Variants in TRPM1 observed in about 807,000 individuals in gnomAD.
The protein encoded by TRPM1 is TRPM1-203 APA Isoform, Intron 10.
In TRPM1, 113 loss-of-function variants were observed where a neutral mutation model predicts 149.4. The ratio of observed to expected loss-of-function variants is 0.76; its 90% confidence interval spans 0.65 to 0.88. The LOEUF (loss-of-function observed/expected upper bound fraction) is 0.88. TRPM1 is among the 40% of genes least tolerant of loss of function. The probability of loss-of-function intolerance (pLI) is 0.00; values close to 1 mark genes in which losing one functional copy is unlikely to be tolerated. For missense variants in TRPM1, 1,976 were observed against 2,038.7 expected (o/e 0.97, Z 0.59); for synonymous variants, 741 against 759.5 (o/e 0.98, Z 0.40).
chr15:31,082,277 G>C (rs1163318503), intron 1 of TRPM1, among the ~76,000 whole-genome samples: 1 of 152,164 alleles, frequency 6.6e-6, no homozygotes, highest in East Asian at 1.9e-4. Flanking sequence ...GATGATAGGA[G>C]CACTGGCACT....
chr15:31,088,961 G>A (rs75721412), intron 1 of TRPM1, among the ~76,000 whole-genome samples: 1 of 152,180 alleles, frequency 6.6e-6, no homozygotes, highest in African/African-American at 2.4e-5. Context: ...GTGAGGCAGT[G>A]GGGCTCCCAG....
At chr15:31,087,336 C>G (rs974284101) in intron 1 of TRPM1, among the ~76,000 whole-genome samples, 1 of 148,968 alleles carries the variant, frequency 6.7e-6, no homozygotes, top group African/African-American at 2.5e-5. Context: ...GCTCCGCCTC[C>G]CGGGTTCACG....
rs187400833 is a variant in TRPM1, at chr15:31,092,214, G to A, written c.-84+9443C>T. Among the ~76,000 whole-genome samples, 1,361 of 152,282 alleles carry A rather than the reference G, an allele frequency of 8.9e-3. 14 individuals carry two copies. The highest frequency in any genetic ancestry group is 0.012 in the Non-Finnish European group (793 of 68,010). ...TGCTCTTGGGAGTGGGAACAGCAGGGGCAAGGCAGAGTGCAGGGTCTCATT... is the reference window on the plus strand; with the variant it reads ...TGCTCTTGGGAGTGGGAACAGCAGGAGCAAGGCAGAGTGCAGGGTCTCATT... On this transcript the variant is annotated intron_variant, in intron 1 of 27. Transcript: ENST00000256552.
At chr15:31,153,244 G>A (rs1596105887) in intron 1 of TRPM1, among the ~76,000 whole-genome samples, 1 of 152,146 alleles carries the variant, frequency 6.6e-6, no homozygotes, top group Non-Finnish European at 1.5e-5. Flanking sequence ...CTCTGAAGCT[G>A]TCCACCTGGA....
intron 1 of TRPM1, among the ~76,000 whole-genome samples, chr15:31,148,275 G>A (rs892696475): frequency 5.3e-5 from 8 of 152,296 alleles, no homozygotes; most frequent in South Asian, 2.1e-4. Flanking sequence ...AGCAGGACCC[G>A]GCTCCTTGAT....
rs10162957 is a variant in TRPM1, at chr15:31,049,570, C to T, written c.1438-61G>A. The T allele has an allele frequency of 0.15, 232,698 of 1,594,760 alleles. 20,362 individuals are homozygous for T. The highest frequency in any genetic ancestry group is 0.4 in the African/African-American group (29,696 of 74,466). On this transcript the variant is annotated intron_variant, in intron 12 of 27. Coordinates refer to ENST00000256552, the MANE Select transcript of TRPM1 (RefSeq NM_001252024.2). ...CTCTCAGAGACACAGGGGAGGGGGGCGACTGGAAACACAGAGGAAAGGGTA... is the reference window on the plus strand; with the variant it reads ...CTCTCAGAGACACAGGGGAGGGGGGTGACTGGAAACACAGAGGAAAGGGTA...
intron 4 of TRPM1, among the ~76,000 whole-genome samples, chr15:31,068,744 CAAAAAAA>C (rs60411633): frequency 1.0e-4 from 6 of 60,214 alleles, no homozygotes; most frequent in African/African-American, 1.9e-4. Context: ...AACTCCAACT[CAAAAAAA>C]AAAAAAAAAA....
chr15:31,159,596 C>T (rs2036420690), intron 1 of TRPM1, among the ~76,000 whole-genome samples: 1 of 152,174 alleles, frequency 6.6e-6, no homozygotes, highest in South Asian at 2.1e-4. Flanking sequence ...CCCACTGAGC[C>T]CCAAGGATGG....
In TRPM1 at chr15:31,143,535, C is replaced by T. The variant is rs1482609434; in HGVS notation, c.54+17371G>A. On this transcript the variant is annotated intron_variant, in intron 1 of 26. Coordinates refer to the TRPM1 transcript ENST00000542188. ...CTCCAAGCGATTCTCCTACCTCCGC[C>T]TCCTGAGTAGCTAGGACTGCAGACG... Among the ~76,000 whole-genome samples, 2 of 152,140 alleles carry T rather than the reference C, an allele frequency of 1.3e-5. 1 individual carries two copies. The highest frequency in any genetic ancestry group is 4.1e-4 in the South Asian group (2 of 4,826).
intron 27 of TRPM1, among the ~76,000 whole-genome samples, chr15:31,023,263 C>G (rs1343036663): frequency 6.6e-6 from 1 of 152,180 alleles, no homozygotes; most frequent in East Asian, 1.9e-4. Context: ...ACAGAGGGCA[C>G]AGCCCATGCA....
Position 31,070,053 on chromosome 15 carries a change from C to T in TRPM1, c.257G>A (p.Gly86Asp), listed in dbSNP as rs200014298. Residue 86 changes from glycine (G) to aspartate (D), a missense_variant, in exon 4 of 28, where the codon GGC becomes GAC. Physicochemically the swap from Gly to Asp is moderately conservative, Grantham distance 94 (BLOSUM62 -1). Transcript: ENST00000256552. The stretch of plus-strand genomic sequence containing the variant: ...CACCATGGCTTTATTGGAATATCCG[C>T]CACCCTGGAATTCAAGAACTCCATA... ...DSYGVLEFQGGGYSNKAMYIR... is the reference protein window; with the variant it reads ...DSYGVLEFQGDGYSNKAMYIR... The T allele has an allele frequency of 6.2e-7, 1 of 1,614,174 alleles. No individual in the cohort carries two copies. Among genetic ancestry groups the T allele is most frequent in the Non-Finnish European group, 8.5e-7 (1 of 1,180,042 alleles).
At chr15:31,065,124 A>G (rs768744363) in intron 7 of TRPM1, 2 of 534,748 alleles carry the variant, frequency 3.7e-6, no homozygotes, top group Admixed American at 1.9e-5. Context: ...GAAGCCCACA[A>G]GTCACATGGC....
chr15:31,008,994 A>C (rs1375417082), intron 27 of TRPM1, among the ~76,000 whole-genome samples: 1 of 152,108 alleles, frequency 6.6e-6, no homozygotes, highest in Non-Finnish European at 1.5e-5. Context: ...CATATTTATT[A>C]TTTCTGATGC....
rs564325673 is a variant in TRPM1, at chr15:31,086,571, G to A, written c.-83-5133C>T. ...GGCCCTGGCTTCTGGGTGCCTGTGG[G>A]TGCCTAGGTCAGCATCCCCACCTCT... On this transcript the variant is annotated intron_variant, in intron 1 of 27. Transcript: ENST00000256552. Among the ~76,000 whole-genome samples the A allele has an allele frequency of 3.5e-4, 53 of 152,300 alleles. No individual in the cohort carries two copies. The South Asian group carries it at 5.4e-3, about 16-fold the overall frequency.
chr15:31,104,298 G>A (rs2035568377), upstream of TRPM1, among the ~76,000 whole-genome samples: 1 of 152,174 alleles, frequency 6.6e-6, no homozygotes, highest in Admixed American at 6.5e-5. Context: ...ATGAGGTCAT[G>A]GGAGATCCCC....
Position 31,002,897 on chromosome 15 carries a change from C to G in TRPM1, c.3803G>C (p.Arg1268Pro). The change falls in exon 28 of 28, where the codon CGG (arginine) becomes CCG (proline). Residue 1268 changes from arginine to proline, a missense_variant. By Grantham distance (103) the Arg-to-Pro change is moderately radical. Coordinates refer to ENST00000256552, the MANE Select transcript of TRPM1 (RefSeq NM_001252024.2). Reference protein sequence around the residue: ...GIDRSDLIQARSRASSECEAT... With the variant: ...GIDRSDLIQAPSRASSECEAT... ...CTCACATTCAGAAGAAGCCCGGGAC[C>G]GTGCCTGGATCAGGTCAGACCTGTC... 6.2e-7 allele frequency: 1 copy of G among 1,613,826 alleles called. No individual in the cohort carries two copies. The highest frequency in any genetic ancestry group is 8.5e-7 in the Non-Finnish European group (1 of 1,179,758).
At chr15:31,069,818 G>C in intron 4 of TRPM1, 1 of 1,503,524 alleles carries the variant, frequency 6.7e-7, no homozygotes, top group South Asian at 1.3e-5. Flanking sequence ...GGATTTACGG[G>C]ACACTAGATG....
intron 20 of TRPM1, among the ~76,000 whole-genome samples, chr15:31,037,144 T>G (rs1458037347): frequency 1.3e-5 from 2 of 152,228 alleles, no homozygotes; most frequent in Non-Finnish European, 2.9e-5. Context: ...CCTCCTCTCC[T>G]GTTCTTGTTA....
At chr15:31,009,985 G>A (rs2032126321) in intron 27 of TRPM1, among the ~76,000 whole-genome samples, 1 of 152,084 alleles carries the variant, frequency 6.6e-6, no homozygotes, top group African/African-American at 2.4e-5. Context: ...CTGCTTTAAA[G>A]CCTTTGTCAG....
Sources: gnomAD v4.1 joint callset for allele counts (sites outside exome capture counted in the v4.1 genomes callset) on GRCh38, gnomAD v4.1.1 for gene constraint, MANE v1.5 for transcripts, NCBI Gene and HGNC (gene_info 2026-07-23, HGNC 2026-07-21) for gene names.